TAF5L: variants seen among roughly 807,000 people sequenced by gnomAD.
The protein encoded by TAF5L is TAF5-like RNA polymerase II p300/CBP-associated factor-associated factor 65 kDa subunit 5L.
TAF5L carries 7 observed loss-of-function variants against 51.3 expected under a neutral mutation model. The observed-to-expected ratio is 0.14, with a 90% CI of 0.08 to 0.26. TAF5L has a LOEUF of 0.26. TAF5L is among the 10% of genes least tolerant of loss of function. The pLI is 1.00. For missense variants in TAF5L, 575 were observed against 758.9 expected (o/e 0.76, Z 2.85); for synonymous variants, 291 against 308.1 (o/e 0.94, Z 0.58).
chr1:229,596,001 A>G (rs1191889773), intron 4 of TAF5L, among the ~76,000 whole-genome samples: 1 of 152,182 alleles, frequency 6.6e-6, no homozygotes, highest in Non-Finnish European at 1.5e-5. Flanking sequence ...TGGTTCAGGC[A>G]TGGTGGCTCG....
At chr1:229,604,308 T>C (rs769890943) in intron 3 of TAF5L, among the ~76,000 whole-genome samples, 1 of 152,194 alleles carries the variant, frequency 6.6e-6, no homozygotes, top group Non-Finnish European at 1.5e-5. Context: ...TATTTCACTT[T>C]ATCACAAGGT....
intron 1 of TAF5L, among the ~76,000 whole-genome samples, chr1:229,622,606 TAA>T (rs756476979): frequency 1.2e-4 from 18 of 152,118 alleles, no homozygotes; most frequent in African/African-American, 4.3e-4. Flanking sequence ...AAAATAAAAA[TAA>T]AAGTCTTTCT....
chr1:229,619,773 C>T (rs1665136687), intron 1 of TAF5L, among the ~76,000 whole-genome samples: 2 of 152,140 alleles, frequency 1.3e-5, no homozygotes, highest in Non-Finnish European at 2.9e-5. Context: ...GGATGTGATG[C>T]TGCTGAACTC....
intron 1 of TAF5L, among the ~76,000 whole-genome samples, chr1:229,616,678 G>A (rs894790485): frequency 6.6e-6 from 1 of 152,024 alleles, no homozygotes; most frequent in Non-Finnish European, 1.5e-5. Context: ...CTGATTTGTG[G>A]GAGCCCTTTA....
intron 1 of TAF5L, among the ~76,000 whole-genome samples, chr1:229,622,776 T>TA (rs544575557): frequency 3.7e-4 from 56 of 151,236 alleles, no homozygotes; most frequent in African/African-American, 1.0e-3. Flanking sequence ...CCTGGTTAGT[T>TA]AAAAAAAAAA....
chr1:229,606,185 A>ACC, intron 3 of TAF5L: 1 of 985,424 alleles, frequency 1.0e-6, no homozygotes, highest in Non-Finnish European at 1.2e-6. Context: ...GTCTGAAGAG[A>ACC]ACAGTATGCT....
intron 1 of TAF5L, among the ~76,000 whole-genome samples, chr1:229,624,098 A>C (rs540048991): frequency 6.6e-6 from 1 of 152,294 alleles, no homozygotes; most frequent in Non-Finnish European, 1.5e-5. Context: ...AATTAGCAGA[A>C]ACAAAACCCC....
intron 3 of TAF5L, among the ~76,000 whole-genome samples, chr1:229,604,053 A>C (rs373713609): frequency 6.6e-6 from 1 of 152,264 alleles, no homozygotes. Flanking sequence ...ATCTGTAATG[A>C]GTCTGGGTTT....
intron 3 of TAF5L, chr1:229,607,706 A>G (rs571185162): frequency 1.0e-4 from 16 of 156,114 alleles, no homozygotes; most frequent in African/African-American, 3.6e-4. Context: ...AATTTTATGT[A>G]AAAACTTTTA....
chr1:229,625,143 C>T lies in TAF5L; in HGVS notation c.-4+742G>A, dbSNP rs889352244. 6.6e-6 allele frequency among the ~76,000 whole-genome samples: 1 copy of T among 152,226 alleles called. No homozygotes were observed. The highest frequency in any genetic ancestry group is 1.5e-5 in the Non-Finnish European group (1 of 68,044). On this transcript the variant is annotated intron_variant, in intron 1 of 4. Transcript: ENST00000258281. The surrounding 1 kb of genome is among the most constrained non-coding windows in gnomAD (Gnocchi z 4.0). ...GGGAGAACTGCATGTAGCGTTCCTGCACTCCACTTCCGCTAAGTCTAAAAT... is the reference window on the plus strand; with the variant it reads ...GGGAGAACTGCATGTAGCGTTCCTGTACTCCACTTCCGCTAAGTCTAAAAT...
At chr1:229,614,246 C>A in intron 2 of TAF5L, 95 bp downstream of exon 2, 1 of 1,608,014 alleles carries the variant, frequency 6.2e-7, no homozygotes, top group Non-Finnish European at 8.5e-7. Flanking sequence ...CTCTCTCTGG[C>A]ACTGTCTTGA....
intron 1 of TAF5L, among the ~76,000 whole-genome samples, chr1:229,616,257 G>A (rs1235978986): frequency 3.3e-5 from 5 of 152,028 alleles, no homozygotes; most frequent in Non-Finnish European, 7.4e-5. Flanking sequence ...CAAGTGACTT[G>A]CCTGCCTTGG....
At chr1:229,608,077 A>G (rs1664658358) in intron 3 of TAF5L, among the ~76,000 whole-genome samples, 1 of 152,222 alleles carries the variant, frequency 6.6e-6, no homozygotes, top group Admixed American at 6.5e-5. Context: ...TTTAATGGTA[A>G]ACGACGAGTA....
intron 4 of TAF5L, chr1:229,601,102 T>A (rs1336686171): frequency 1.0e-6 from 1 of 984,830 alleles, no homozygotes; most frequent in Non-Finnish European, 1.2e-6. Context: ...TACATGGGAA[T>A]CTAGACTCTT....
intron 4 of TAF5L, chr1:229,601,404 T>C (rs1664367432): frequency 1.0e-6 from 1 of 985,308 alleles, no homozygotes; most frequent in Admixed American, 6.1e-5. Context: ...GCCCACAGCT[T>C]TTTCAGGACC....
chr1:229,595,028 T>A (rs200240939), exon 5 of TAF5L: 1 of 1,614,132 alleles, frequency 6.2e-7, no homozygotes, highest in South Asian at 1.1e-5. Flanking sequence ...AACCTCGTGC[T>A]GTACACTGGT....
Position 229,600,073 on chromosome 1 carries a change from T to C in TAF5L, c.972+2122A>G, listed in dbSNP as rs566833719. On this transcript the variant is annotated intron_variant, in intron 4 of 4. Transcript: ENST00000258281. Reference sequence around the variant, plus strand: ...ATTTTTTTTAATATTCAATATTTCATTTCAAAATAATAGTCTGTTTTAATT... The same window carrying C: ...ATTTTTTTTAATATTCAATATTTCACTTCAAAATAATAGTCTGTTTTAATT... 15 of 977,752 alleles carry C rather than the reference T, an allele frequency of 1.5e-5. No individual in the cohort carries two copies. In the South Asian group the frequency reaches 5.7e-4, roughly 37 times the overall value. 60.6% of individuals were successfully genotyped at this position (977,752 alleles called of 1,614,324 possible).
chr1:229,599,936 T>A (rs770531643), intron 4 of TAF5L: 3 of 985,394 alleles, frequency 3.0e-6, no homozygotes, highest in Non-Finnish European at 3.6e-6. Context: ...TACATAGTGA[T>A]TTTGTACTTT....
exon 5 of TAF5L, chr1:229,593,977 C>A (rs1321923672): frequency 1.9e-5 from 5 of 269,746 alleles, no homozygotes; most frequent in Non-Finnish European, 3.6e-5. Context: ...AAACCTAGCC[C>A]CAGTCAGATG....
Sources: gnomAD v4.1 joint callset for allele counts (sites outside exome capture counted in the v4.1 genomes callset) on GRCh38, gnomAD v4.1.1 for gene constraint, Gnocchi (gnomAD v3.1) non-coding constraint, MANE v1.5 for transcripts, NCBI Gene and HGNC (gene_info 2026-07-23, HGNC 2026-07-21) for gene names.